The following ATXN7L1 variants were observed in gnomAD, a reference collection of about 807,000 sequenced individuals.
ATXN7L1 encodes ataxin 7 like 1.
Under a neutral mutation model 70.8 loss-of-function variants are expected in ATXN7L1, and 15 were observed. The observed-to-expected ratio is 0.21, with a 90% CI of 0.14 to 0.33. The LOEUF is 0.33. ATXN7L1 is among the 10% of genes least tolerant of loss of function. ATXN7L1 has a pLI of 1.00. For missense variants in ATXN7L1, 975 were observed against 1,097.1 expected (o/e 0.89, Z 1.57); for synonymous variants, 440 against 445.1 (o/e 0.99, Z 0.14).
intron 3 of ATXN7L1, among the ~76,000 whole-genome samples, chr7:105,784,346 A>G (rs1362924112): frequency 6.6e-6 from 1 of 152,156 alleles, no homozygotes; most frequent in African/African-American, 2.4e-5. Flanking sequence ...CTTGGTATGG[A>G]AAACTCACAA....
chr7:105,759,359 A>G (rs1388987505), intron 3 of ATXN7L1, among the ~76,000 whole-genome samples: 1 of 151,646 alleles, frequency 6.6e-6, no homozygotes, highest in African/African-American at 2.4e-5. Flanking sequence ...ACACAAACAG[A>G]CCAGCTTGAT....
chr7:105,873,629 T>C (rs1368346099), intron 2 of ATXN7L1, among the ~76,000 whole-genome samples: 3 of 152,234 alleles, frequency 2.0e-5, no homozygotes, highest in African/African-American at 7.2e-5. Flanking sequence ...CCACCAGGCC[T>C]GTGAACAAAG....
chr7:105,616,136 C>T (rs545097795), intron 9 of ATXN7L1, among the ~76,000 whole-genome samples: 47 of 152,328 alleles, frequency 3.1e-4, no homozygotes, highest in African/African-American at 1.0e-3. Flanking sequence ...GGCTCACTAG[C>T]GATTAGGAAC....
At chr7:105,876,274 C>G in intron 1 of ATXN7L1, 104 bp downstream of exon 1, 6 of 1,363,338 alleles carry the variant, frequency 4.4e-6, no homozygotes, top group Non-Finnish European at 5.9e-6. Flanking sequence ...TGGAGGACAC[C>G]GGGGGCCACT....
chr7:105,784,510 C>T (rs558127601), intron 3 of ATXN7L1, among the ~76,000 whole-genome samples: 1 of 152,016 alleles, frequency 6.6e-6, no homozygotes, highest in Non-Finnish European at 1.5e-5. Context: ...TGAACACTGC[C>T]ATGCACCCAT....
chr7:105,618,517 C>G lies in ATXN7L1; in HGVS notation c.1517+1683G>C, dbSNP rs918861500. Among the ~76,000 whole-genome samples, 73 of 152,292 alleles carry G rather than the reference C, an allele frequency of 4.8e-4. 1 individual carries two copies. The highest frequency in any genetic ancestry group is 3.4e-3 in the Middle Eastern group (1 of 294). On this transcript the variant is annotated intron_variant, in intron 9 of 11. Transcript: ENST00000419735. ...GCTCACTTCTCCTAGAAGTTCAGGT[C>G]TGGAAGCTCTTTAGGCTTCCAGAAA...
chr7:105,760,185 C>A, intron 3 of ATXN7L1: 1 of 983,636 alleles, frequency 1.0e-6, no homozygotes, highest in Non-Finnish European at 1.2e-6. Flanking sequence ...ATCTATCCAA[C>A]CATCCACCCA....
chr7:105,617,092 T>C (rs1794018564), intron 9 of ATXN7L1, among the ~76,000 whole-genome samples: 2 of 152,056 alleles, frequency 1.3e-5, no homozygotes, highest in African/African-American at 4.8e-5. Context: ...AGTGGTGTGA[T>C]CTCAGTTCAC....
intron 3 of ATXN7L1, among the ~76,000 whole-genome samples, chr7:105,777,053 A>G (rs1802839240): frequency 6.6e-6 from 1 of 152,180 alleles, no homozygotes; most frequent in Admixed American, 6.5e-5. Context: ...AGTGTCTACT[A>G]GAAGCCAGGA....
At chr7:105,738,911 C>A (rs1563053956) in intron 3 of ATXN7L1, among the ~76,000 whole-genome samples, 1 of 152,150 alleles carries the variant, frequency 6.6e-6, no homozygotes, top group African/African-American at 2.4e-5. Context: ...GCTTAGTAAA[C>A]ATTGTAGAGA....
At chr7:105,768,830 G>T (rs973620973) in intron 3 of ATXN7L1, among the ~76,000 whole-genome samples, 9 of 152,254 alleles carry the variant, frequency 5.9e-5, no homozygotes, top group Non-Finnish European at 1.3e-4. Context: ...GAGTAAGGAA[G>T]ATAGAAGACA....
chr7:105,638,617 G>A lies in ATXN7L1; in HGVS notation c.946-8C>T, dbSNP rs993286446. 6.5e-6 allele frequency: 10 copies of A among 1,546,136 alleles called. No individual in the cohort carries two copies. The highest frequency in any genetic ancestry group is 8.7e-6 in the Non-Finnish European group (10 of 1,143,872). ...ATGGCTTAGCGAATGTGTCTAAGGA[G>A]AAGAGAAATGAAAAGCACAGCCTCT... On this transcript the variant is annotated splice_region_variant and splice_polypyrimidine_tract_variant and intron_variant, in intron 6 of 11. Transcript: ENST00000419735.
intron 3 of ATXN7L1, among the ~76,000 whole-genome samples, chr7:105,709,662 C>T (rs1319375161): frequency 1.3e-5 from 2 of 152,076 alleles, no homozygotes; most frequent in African/African-American, 4.8e-5. Context: ...CTCTGCCTAG[C>T]CAATTCTTTC....
At chr7:105,740,630 G>A (rs566834607) in intron 3 of ATXN7L1, among the ~76,000 whole-genome samples, 1 of 152,200 alleles carries the variant, frequency 6.6e-6, no homozygotes, top group African/African-American at 2.4e-5. Context: ...AGAAATGTGG[G>A]CTTTGGGGTC....
At chr7:105,714,286 C>T (rs1032520777) in intron 3 of ATXN7L1, among the ~76,000 whole-genome samples, 2 of 152,328 alleles carry the variant, frequency 1.3e-5, no homozygotes, top group Non-Finnish European at 2.9e-5. Flanking sequence ...AGATGGAGCC[C>T]ACAGCTCTGG....
At chr7:105,762,515 T>C (rs1368758748) in intron 3 of ATXN7L1, among the ~76,000 whole-genome samples, 1 of 152,150 alleles carries the variant, frequency 6.6e-6, no homozygotes, top group Non-Finnish European at 1.5e-5. Context: ...CCCTATAGGA[T>C]GGTAGGCTCC....
intron 2 of ATXN7L1, among the ~76,000 whole-genome samples, chr7:105,842,450 C>T (rs1055783389): frequency 3.9e-5 from 6 of 152,200 alleles, no homozygotes; most frequent in African/African-American, 1.4e-4. Context: ...GTTTCATATG[C>T]ATGGAATCAT....
At chr7:105,868,737 A>G (rs1418293826) in intron 2 of ATXN7L1, among the ~76,000 whole-genome samples, 2 of 152,204 alleles carry the variant, frequency 1.3e-5, no homozygotes, top group Non-Finnish European at 2.9e-5. Flanking sequence ...TAACATGAAC[A>G]TTATTAAAAA....
chr7:105,772,878 CAG>C (rs1216548432), intron 3 of ATXN7L1, among the ~76,000 whole-genome samples: 27 of 152,150 alleles, frequency 1.8e-4, no homozygotes, highest in African/African-American at 5.3e-4. Flanking sequence ...CTGCCCACAA[CAG>C]AGAGATTATA....
Sources: allele counts gnomAD v4.1 joint callset (sites outside exome capture counted in the v4.1 genomes callset), GRCh38; gene constraint gnomAD v4.1.1; transcripts MANE v1.5; gene names NCBI Gene and HGNC (gene_info 2026-07-23, HGNC 2026-07-21).